The following ICA1L variants were observed in gnomAD, a reference collection of about 807,000 sequenced individuals.
ICA1L encodes the protein islet cell autoantigen 1 like, also known as islet cell autoantigen 1-like protein.
ICA1L carries 50 observed loss-of-function variants against 61.3 expected under a neutral mutation model. The ratio of observed to expected loss-of-function variants is 0.82; its 90% CI spans 0.65 to 1.03. ICA1L has a LOEUF of 1.03. Ranked by LOEUF, ICA1L falls within the 50% of genes least tolerant of loss-of-function variation. The pLI is 0.00. For synonymous variants in ICA1L, 161 were observed against 191.3 expected (o/e 0.84, Z 1.31); for missense variants, 508 against 556.7 (o/e 0.91, Z 0.88).
chr2:202,781,051 G>A (rs1692386237), intron 12 of ICA1L, among the ~76,000 whole-genome samples: 1 of 152,086 alleles, frequency 6.6e-6, no homozygotes, highest in Non-Finnish European at 1.5e-5. Flanking sequence ...TGTAAATATT[G>A]TACAGCATTA....
intron 2 of ICA1L, among the ~76,000 whole-genome samples, chr2:202,826,178 A>G (rs900695560): frequency 3.9e-5 from 6 of 152,196 alleles, no homozygotes; most frequent in African/African-American, 1.4e-4. Context: ...ATACTGGTCT[A>G]AACAAAACAG....
intron 12 of ICA1L, among the ~76,000 whole-genome samples, chr2:202,784,395 A>G (rs917334805): frequency 4.6e-5 from 7 of 152,212 alleles, no homozygotes; most frequent in African/African-American, 1.7e-4. Context: ...CAGTGAGCCA[A>G]CATGGCACCA....
intron 12 of ICA1L, 144 bp downstream of exon 12, chr2:202,785,774 A>G: frequency 1.9e-6 from 1 of 525,508 alleles, no homozygotes; most frequent in Non-Finnish European, 3.3e-6. Context: ...GATAAGCAGT[A>G]TAGCTTTCAT....
At chr2:202,781,573 CAAA>C (rs200593045) in intron 12 of ICA1L, among the ~76,000 whole-genome samples, 9 of 103,618 alleles carry the variant, frequency 8.7e-5, no homozygotes, top group Admixed American at 2.1e-4. Flanking sequence ...GACCCTGTCT[CAAA>C]AAAAAAAAAA....
intron 1 of ICA1L, chr2:202,840,632 A>G: frequency 3.4e-6 from 2 of 581,374 alleles, no homozygotes; most frequent in South Asian, 2.8e-5. Flanking sequence ...CTTGATGTCC[A>G]GGGCCAGCCT....
In ICA1L at chr2:202,779,259, G is replaced by GT. The variant is rs1692319556; in HGVS notation, c.*273dup. On this transcript the variant is annotated 3_prime_UTR_variant, in exon 13 of 13. Transcript: ENST00000358299. ...AGCCGTTATTTTGACATAAATTTCA[G>GT]TATCTAAATATCGCAAACTCTGTAG... is the stretch of plus-strand genomic sequence containing the variant. The GT allele has an allele frequency of 3.1e-6, 1 of 324,490 alleles. No individual in the cohort carries two copies. Among genetic ancestry groups the GT allele is most frequent in the Middle Eastern group, 8.4e-4 (1 of 1,190 alleles). 20.1% of individuals were successfully genotyped at this position (324,490 alleles called of 1,614,324 possible). A position where few individuals can be genotyped will look rare whatever the true frequency, so the allele number is the denominator to read the frequency against.
At chr2:202,799,234 C>T (rs1693024941) in intron 9 of ICA1L, among the ~76,000 whole-genome samples, 1 of 152,164 alleles carries the variant, frequency 6.6e-6, no homozygotes, top group Admixed American at 6.5e-5. Context: ...TACATTCCCA[C>T]CAACAGTGTA....
rs375781042 is a variant in ICA1L, at chr2:202,844,819, C to T, written c.-7-15803G>A. On this transcript the variant is annotated intron_variant, in intron 1 of 12. Coordinates refer to ENST00000358299, the MANE Select transcript of ICA1L (RefSeq NM_001288622.3). ...TAAAAAATGATCACAAACTTAGTAACTTACAACAAAATTAATTTACTGTCT... is the reference window on the plus strand; with the variant it reads ...TAAAAAATGATCACAAACTTAGTAATTTACAACAAAATTAATTTACTGTCT... Among the ~76,000 whole-genome samples the T allele has an allele frequency of 3.3e-5, 5 of 152,214 alleles. 1 individual carries two copies. The East Asian group carries it at 5.8e-4, about 18-fold the overall frequency.
intron 1 of ICA1L, among the ~76,000 whole-genome samples, chr2:202,850,830 T>C (rs1023118051): frequency 8.6e-5 from 13 of 151,976 alleles, no homozygotes; most frequent in African/African-American, 1.2e-4. Context: ...CCCCAAGACA[T>C]ATAATTGTCA....
At chr2:202,855,801 C>T (rs987298159) in intron 1 of ICA1L, among the ~76,000 whole-genome samples, 1 of 151,988 alleles carries the variant, frequency 6.6e-6, no homozygotes, top group Non-Finnish European at 1.5e-5. Context: ...CTCGGCTGGG[C>T]GCGGTGGCTC....
intron 5 of ICA1L, among the ~76,000 whole-genome samples, chr2:202,818,366 A>C (rs1693599136): frequency 6.6e-6 from 1 of 152,108 alleles, no homozygotes; most frequent in Non-Finnish European, 1.5e-5. Context: ...GAGGGGGTGA[A>C]GACCTTATCA....
At chr2:202,825,640 A>T in intron 3 of ICA1L, 55 bp downstream of exon 3, 1 of 1,356,982 alleles carries the variant, frequency 7.4e-7, no homozygotes, top group Non-Finnish European at 1.0e-6. Context: ...ATTTTAAAAA[A>T]TGCTAATATT....
intron 1 of ICA1L, among the ~76,000 whole-genome samples, chr2:202,835,712 A>AT (rs918858846): frequency 3.1e-4 from 46 of 148,376 alleles, no homozygotes; most frequent in African/African-American, 7.4e-4. Flanking sequence ...CACCTGGCTA[A>AT]TTTTTTTTTT....
Position 202,828,933 on chromosome 2 carries a change from G to A in ICA1L, c.77C>T (p.Thr26Ile), listed in dbSNP as rs781287382. 1 of 1,612,814 alleles carries A rather than the reference G, an allele frequency of 6.2e-7. No individual in the cohort carries two copies. Among genetic ancestry groups the A allele is most frequent in the Admixed American group, 1.7e-5 (1 of 59,752 alleles). The part of the protein sequence containing the change: ...VRRMQKKYWK[T>I]KQVFIKATGK... ...TGTTGCTTTGATAAAGACCTGTTTA[G>A]TTTTCCAGTATTTCTTTTGCATTCT... Residue 26 changes from threonine to isoleucine, a missense_variant, in exon 2 of 13, where the codon ACT becomes ATT. By Grantham distance (89) the Thr-to-Ile change is moderately conservative. Transcript: ENST00000358299.
intron 10 of ICA1L, among the ~76,000 whole-genome samples, chr2:202,794,087 G>C (rs1692842214): frequency 6.6e-6 from 1 of 151,788 alleles, no homozygotes; most frequent in Non-Finnish European, 1.5e-5. Flanking sequence ...ACATGATATA[G>C]TATCAGGAAA....
At chr2:202,861,401 C>CAAA (rs61240847) in intron 1 of ICA1L, among the ~76,000 whole-genome samples, 5,194 of 21,726 alleles carry the variant, frequency 0.24, 2,149 homozygotes, top group East Asian at 0.5. Flanking sequence ...GAGACTATCT[C>CAAA]AAAAAAAAAA....
At chr2:202,816,176 C>T (rs970970262) in intron 6 of ICA1L, among the ~76,000 whole-genome samples, 167 bp from the exon 7 acceptor site, 2 of 152,254 alleles carry the variant, frequency 1.3e-5, no homozygotes, top group South Asian at 2.1e-4. Context: ...GCAAATAGTA[C>T]TTGTGCAAAA....
At chr2:202,807,494 G>C (rs986395880) in intron 9 of ICA1L, among the ~76,000 whole-genome samples, 2 of 152,216 alleles carry the variant, frequency 1.3e-5, no homozygotes, top group Non-Finnish European at 2.9e-5. Context: ...ACCATGGCAA[G>C]CTAAAGCACT....
chr2:202,836,169 T>TA (rs1242428999), intron 1 of ICA1L, among the ~76,000 whole-genome samples: 1 of 152,232 alleles, frequency 6.6e-6, no homozygotes, highest in African/African-American at 2.4e-5. Flanking sequence ...ACAAGGCCTT[T>TA]ATTACGTTGA....
Sources: gnomAD v4.1 joint callset for allele counts (sites outside exome capture counted in the v4.1 genomes callset) on GRCh38, gnomAD v4.1.1 for gene constraint, MANE v1.5 for transcripts, NCBI Gene and HGNC (gene_info 2026-07-23, HGNC 2026-07-21) for gene names.